The following ATP1A2 variants were observed in gnomAD, a reference collection of about 807,000 sequenced individuals.
The protein encoded by ATP1A2 is ATPase Na+/K+ transporting subunit alpha 2, also known as sodium/potassium-transporting ATPase subunit alpha-2.
In ATP1A2, 56 loss-of-function variants were observed where a neutral mutation model predicts 113.1. The observed-to-expected ratio is 0.49, with a 90% CI of 0.40 to 0.62. The LOEUF (loss-of-function observed/expected upper bound fraction) is 0.62, where lower values mean the gene tolerates loss of function less well. Among genes scored for constraint, ATP1A2 ranks in the 20% least tolerant of loss-of-function variants. ATP1A2 has a pLI of 0.00. For missense variants in ATP1A2, 712 were observed against 1,357.8 expected, an observed-to-expected ratio of 0.52 and a Z score of 7.47; for synonymous variants, 490 against 526.8, an observed-to-expected ratio of 0.93 and a Z score of 0.96.
chr1:160,126,849 A>G (rs2101987866), intron 7 of ATP1A2, among the ~76,000 whole-genome samples: 1 of 152,326 alleles, frequency 6.6e-6, no homozygotes, highest in Non-Finnish European at 1.5e-5. Context: ...ATGCCTAGTA[A>G]TACATTCCTA....
Position 160,127,548 on chromosome 1 carries a change from G to T in ATP1A2, c.749-4G>T. ...ACCCAACCTGATGCCCCACCATGTT[G>T]CAGGCACTGCCAGGGGCATTGTGAT... On this transcript the variant is annotated splice_region_variant and splice_polypyrimidine_tract_variant and intron_variant, in intron 7 of 22. Transcript: ENST00000361216. 6.2e-7 allele frequency: 1 copy of T among 1,614,198 alleles called. No individual in the cohort carries two copies. Among genetic ancestry groups the T allele is most frequent in the Non-Finnish European group, 8.5e-7 (1 of 1,180,050 alleles).
intron 18 of ATP1A2, 76 bp downstream of exon 18, chr1:160,136,446 G>A (rs1651952010): frequency 6.2e-7 from 1 of 1,612,246 alleles, no homozygotes. Flanking sequence ...TGAGCCCCAA[G>A]CAAAATTCCA....
Position 160,127,619 on chromosome 1 carries a change from C to G in ATP1A2, c.816C>G (p.Ala272=). ...TGATGGGCCGCATAGCTACTCTCGC[C>G]TCAGGCCTGGAGGTTGGGCGGACAC... ...RTVMGRIATL[A]SGLEVGRTPI... The change falls in exon 8 of 23, where the codon GCC becomes GCG. Residue 272 remains alanine (A), a synonymous_variant. Transcript: ENST00000361216. The G allele has an allele frequency of 6.2e-7, 1 of 1,614,274 alleles. No homozygotes were observed. Among genetic ancestry groups the G allele is most frequent in the Non-Finnish European group, 8.5e-7 (1 of 1,180,050 alleles).
intron 10 of ATP1A2, 84 bp from the exon 11 acceptor site, chr1:160,129,182 C>A: frequency 6.2e-7 from 1 of 1,610,444 alleles, no homozygotes; most frequent in Non-Finnish European, 8.5e-7. Context: ...ATGTGGCTGC[C>A]TTGGGGGTTT....
At chr1:160,129,461 A>C (rs1651699291) in intron 11 of ATP1A2, 61 bp downstream of exon 11, 2 of 1,598,274 alleles carry the variant, frequency 1.3e-6, no homozygotes, top group African/African-American at 2.7e-5. Flanking sequence ...AGGGTGGACA[A>C]AGCCAAGGGG....
chr1:160,140,470 A>G (rs1652108441), intron 22 of ATP1A2, among the ~76,000 whole-genome samples: 1 of 152,160 alleles, frequency 6.6e-6, no homozygotes, highest in African/African-American at 2.4e-5. Flanking sequence ...TTACAAACCA[A>G]ATACTGTCCA....
At position 160,135,104 on chromosome 1, in the gene ATP1A2, G is replaced by A. The variant is rs1651892549; in HGVS notation, c.1965-41G>A. On this transcript the variant is annotated intron_variant, in intron 14 of 22. Transcript: ENST00000361216. This position sits in a 1 kb window ranked among gnomAD's most constrained non-coding sequence, Gnocchi z 6.3. Reference sequence around the variant, plus strand: ...CAGGGGGCAGGAGGGGCTGGTACAGGTGCCAGGGGTCAGCTGTCTCTGTCC... The same window carrying A: ...CAGGGGGCAGGAGGGGCTGGTACAGATGCCAGGGGTCAGCTGTCTCTGTCC... The A allele has an allele frequency of 6.2e-7, 1 of 1,613,108 alleles. No homozygotes were observed. The highest frequency in any genetic ancestry group is 8.5e-7 in the Non-Finnish European group (1 of 1,179,746).
intron 1 of ATP1A2, among the ~76,000 whole-genome samples, chr1:160,116,465 G>A (rs904654917): frequency 3.4e-4 from 51 of 151,700 alleles, no homozygotes; most frequent in African/African-American, 1.0e-3. Context: ...GCACCCCTCC[G>A]GATGTCCCGA....
In ATP1A2 at chr1:160,134,767, C is replaced by T. The variant is rs956971551; in HGVS notation, c.1964+147C>T. On this transcript the variant is annotated intron_variant, in intron 14 of 22. Coordinates refer to ENST00000361216, the MANE Select transcript of ATP1A2 (RefSeq NM_000702.4). ...CACTATTGTGACTGGTTCCTCAGCC[C>T]TGAGCTTGTATCCAGGCTGTGCCAC... 7.2e-6 allele frequency: 9 copies of T among 1,244,846 alleles called. No homozygotes were observed. The African/African-American group carries it at 1.3e-4, about 19-fold the overall frequency. The allele number at this position is 1,244,846 out of a possible 1,614,324, so 77.1% of individuals were successfully genotyped here. A position where few individuals can be genotyped will look rare whatever the true frequency, so the allele number is the denominator to read the frequency against.
chr1:160,117,258 C>T (rs1472171029), intron 1 of ATP1A2, among the ~76,000 whole-genome samples: 1 of 152,102 alleles, frequency 6.6e-6, no homozygotes, highest in Non-Finnish European at 1.5e-5. Context: ...GAAAGGGCAT[C>T]CCTAGCTGAG....
chr1:160,141,219 C>A, intron 22 of ATP1A2, 75 bp from the exon 23 acceptor site: 1 of 1,590,392 alleles, frequency 6.3e-7, no homozygotes, highest in Non-Finnish European at 8.6e-7. Flanking sequence ...TTCAGCGACC[C>A]AAGCCCCTAG....
At position 160,136,884 on chromosome 1, in the gene ATP1A2, GCC is replaced by G; in HGVS notation, c.2710-15_2710-14del. 3.7e-6 allele frequency: 6 copies of G among 1,614,166 alleles called. No individual in the cohort carries two copies. The highest frequency in any genetic ancestry group is 3.4e-6 in the Non-Finnish European group (4 of 1,180,026). Reference sequence around the variant, plus strand: ...TCCTCCGACACTCTCATCTGTCTCTGCCCACCCTCCCTCCAGACCTATGAGCA... The same window carrying G: ...TCCTCCGACACTCTCATCTGTCTCTGCACCCTCCCTCCAGACCTATGAGCA... On this transcript the variant is annotated splice_polypyrimidine_tract_variant and intron_variant, in intron 19 of 22. Transcript: ENST00000361216.
chr1:160,141,370 G>T lies in ATP1A2; in HGVS notation c.*48G>T. 1.2e-6 allele frequency: 2 copies of T among 1,608,574 alleles called. No individual in the cohort carries two copies. Among genetic ancestry groups the T allele is most frequent in the South Asian group, 2.2e-5 (2 of 90,970 alleles). On this transcript the variant is annotated 3_prime_UTR_variant, in exon 23 of 23. Coordinates refer to ENST00000361216, the MANE Select transcript of ATP1A2 (RefSeq NM_000702.4). ...CATGGAAAGATGGGGAGCTCTGGAG[G>T]TGTTGTGGGGATGGTGATGGAGAGG... is the stretch of plus-strand genomic sequence containing the variant.
intron 20 of ATP1A2, among the ~76,000 whole-genome samples, chr1:160,138,675 T>C (rs749531150): frequency 1.2e-4 from 18 of 152,088 alleles, no homozygotes; most frequent in Middle Eastern, 6.8e-3. Context: ...ACTCTATCTC[T>C]ACAAAAAATA....
intron 20 of ATP1A2, among the ~76,000 whole-genome samples, chr1:160,139,171 A>C (rs1026972679): frequency 2.0e-5 from 3 of 152,204 alleles, no homozygotes; most frequent in Admixed American, 6.5e-5. Context: ...GATCCCCTTT[A>C]CATTCTCTGA....
chr1:160,123,770 C>T (rs1651497011), intron 4 of ATP1A2, among the ~76,000 whole-genome samples, 173 bp from the exon 5 acceptor site: 1 of 152,200 alleles, frequency 6.6e-6, no homozygotes, highest in Non-Finnish European at 1.5e-5. Flanking sequence ...TTGAGGTTGG[C>T]AGATCAAGGG....
At position 160,139,632 on chromosome 1, in the gene ATP1A2, C is replaced by T. The variant is rs1553246128; in HGVS notation, c.2841-8C>T. 6.2e-7 allele frequency: 1 copy of T among 1,613,724 alleles called. No individual in the cohort carries two copies. The highest frequency in any genetic ancestry group is 8.5e-7 in the Non-Finnish European group (1 of 1,179,722). On this transcript the variant is annotated splice_polypyrimidine_tract_variant and splice_region_variant and intron_variant, in intron 20 of 22. Coordinates refer to ENST00000361216, the MANE Select transcript of ATP1A2 (RefSeq NM_000702.4). ...CTTCACCTGCCACCTCCTTTCTTTG[C>T]CTTTCAGGAACAAGATCCTGATTTT...
At chr1:160,125,385 T>C in intron 7 of ATP1A2, 132 bp downstream of exon 7, 1 of 816,280 alleles carries the variant, frequency 1.2e-6, no homozygotes, top group Non-Finnish European at 2.1e-6. Flanking sequence ...CAGGGGGCCC[T>C]GAATATTATG....
At chr1:160,122,529 A>T (rs1170906253) in intron 3 of ATP1A2, among the ~76,000 whole-genome samples, 1 of 152,222 alleles carries the variant, frequency 6.6e-6, no homozygotes, top group Non-Finnish European at 1.5e-5. Context: ...CAGCTCTAGA[A>T]TCAAGTATAG....
Sources: allele counts gnomAD v4.1 joint callset (sites outside exome capture counted in the v4.1 genomes callset), GRCh38; gene constraint gnomAD v4.1.1; non-coding constraint Gnocchi (gnomAD v3.1); transcripts MANE v1.5; gene names NCBI Gene and HGNC (gene_info 2026-07-23, HGNC 2026-07-21).